The following ACER3 variants were observed in gnomAD, a reference collection of about 807,000 sequenced individuals.
The protein encoded by ACER3 is alkCDase 3.
Under a neutral mutation model 48.9 loss-of-function variants are expected in ACER3, and 16 were observed. The ratio of observed to expected loss-of-function variants is 0.33; its 90% CI spans 0.22 to 0.50. ACER3 has a LOEUF of 0.50. Among genes scored for constraint, ACER3 ranks in the 20% least tolerant of loss-of-function variants. ACER3 has a pLI of 0.98. For synonymous variants in ACER3, 109 were observed against 107.8 expected, an observed-to-expected ratio of 1.01 and a Z score of -0.07; for missense variants, 227 against 326.0, an observed-to-expected ratio of 0.70 and a Z score of 2.34.
At chr11:76,979,874 C>A (rs1948542796) in intron 4 of ACER3, among the ~76,000 whole-genome samples, 1 of 151,124 alleles carries the variant, frequency 6.6e-6, no homozygotes, top group African/African-American at 2.4e-5. Flanking sequence ...GCACAGTGCT[C>A]ACAAATGTAA....
chr11:76,862,445 A>G (rs1206005042), intron 1 of ACER3, among the ~76,000 whole-genome samples: 3 of 152,216 alleles, frequency 2.0e-5, no homozygotes, highest in Non-Finnish European at 4.4e-5. Flanking sequence ...TTGTAATACA[A>G]TTACTTGGGA....
intron 1 of ACER3, among the ~76,000 whole-genome samples, chr11:76,910,456 T>G (rs1324083568): frequency 6.6e-6 from 1 of 152,166 alleles, no homozygotes; most frequent in African/African-American, 2.4e-5. Flanking sequence ...TTTATCTCAT[T>G]GTAGAATAAA....
In ACER3 at chr11:76,918,816, G is replaced by A. The variant is rs555027022; in HGVS notation, c.104-7741G>A. On this transcript the variant is annotated intron_variant, in intron 1 of 10. Transcript: ENST00000532485. ...TAAATAAGTTGCCTAAGTTCACACA[G>A]CTAGAAGGTGGTAGTAGATAAGAAC... Among the ~76,000 whole-genome samples the A allele has an allele frequency of 6.6e-5, 10 of 152,302 alleles. No individual in the cohort carries two copies. In the East Asian group the frequency reaches 1.3e-3, roughly 21 times the overall value.
intron 4 of ACER3, among the ~76,000 whole-genome samples, chr11:76,984,192 T>A (rs1358679563): frequency 1.3e-5 from 2 of 152,148 alleles, no homozygotes; most frequent in African/African-American, 4.8e-5. Context: ...GCTCTGTAGA[T>A]ACAGAATCAG....
chr11:76,956,006 C>G (rs1283556342), intron 2 of ACER3, among the ~76,000 whole-genome samples: 1 of 152,126 alleles, frequency 6.6e-6, no homozygotes, highest in Non-Finnish European at 1.5e-5. Flanking sequence ...CAAATCTGTA[C>G]AGACAAAGTA....
At chr11:76,910,457 G>A (rs1191999913) in intron 1 of ACER3, among the ~76,000 whole-genome samples, 2 of 151,766 alleles carry the variant, frequency 1.3e-5, no homozygotes, top group African/African-American at 2.4e-5. Context: ...TTATCTCATT[G>A]TAGAATAAAC....
chr11:76,955,470 C>G (rs1947814683), intron 2 of ACER3: 1 of 153,162 alleles, frequency 6.5e-6, no homozygotes, highest in Non-Finnish European at 1.5e-5. Context: ...AGTCCAAGAT[C>G]AAGGTGGCAT....
At chr11:76,908,593 A>C (rs1946293359) in intron 1 of ACER3, among the ~76,000 whole-genome samples, 1 of 152,190 alleles carries the variant, frequency 6.6e-6, no homozygotes, top group South Asian at 2.1e-4. Context: ...CAAGGAAATA[A>C]GAGAGGACAC....
At chr11:76,955,102 A>G (rs761476900) in intron 2 of ACER3, among the ~76,000 whole-genome samples, 3 of 152,224 alleles carry the variant, frequency 2.0e-5, no homozygotes, top group Admixed American at 6.5e-5. Context: ...GGATGGCTGT[A>G]ATCACAAAGA....
At chr11:76,996,393 C>A (rs1487288699) in intron 6 of ACER3, among the ~76,000 whole-genome samples, 1 of 118,886 alleles carries the variant, frequency 8.4e-6, no homozygotes, top group African/African-American at 3.1e-5. Context: ...CCTTCATTGG[C>A]TTTCCATTAT....
At chr11:76,911,588 G>A (rs2119457) in intron 1 of ACER3, among the ~76,000 whole-genome samples, 1 of 151,938 alleles carries the variant, frequency 6.6e-6, no homozygotes, top group Admixed American at 6.6e-5. Flanking sequence ...TATCCAGCCA[G>A]TATTCAAGAT....
At chr11:76,862,285 CAAA>C (rs11325230) in intron 1 of ACER3, among the ~76,000 whole-genome samples, 9,367 of 145,052 alleles carry the variant, frequency 0.065, 316 homozygotes, top group Middle Eastern at 0.12. Flanking sequence ...GGCTAAGTTT[CAAA>C]AAAAAAAAAA....
chr11:76,890,931 A>G (rs1436085964), intron 1 of ACER3, among the ~76,000 whole-genome samples: 1 of 152,008 alleles, frequency 6.6e-6, no homozygotes, highest in Non-Finnish European at 1.5e-5. Flanking sequence ...ACCCGTGGCC[A>G]ATATGACAAA....
chr11:77,005,992 T>TACGTATA (rs1491403985), intron 7 of ACER3, among the ~76,000 whole-genome samples: 16 of 70,560 alleles, frequency 2.3e-4, no homozygotes, highest in South Asian at 1.1e-3. Flanking sequence ...TATATATATA[T>TACGTATA]TTTTTTTTTT....
chr11:76,934,752 G>GGGGAGATGGGAGAGGGA (rs1565186621), intron 2 of ACER3, among the ~76,000 whole-genome samples: 1 of 145,588 alleles, frequency 6.9e-6, no homozygotes, highest in Non-Finnish European at 1.5e-5. Context: ...GGGAGACCGT[G>GGGGAGATGGGAGAGGGA]GGGAGACGGA....
At chr11:76,969,612 G>C in intron 3 of ACER3, among the ~76,000 whole-genome samples, 2 of 151,728 alleles carry the variant, frequency 1.3e-5, no homozygotes. Flanking sequence ...ATACTATGCA[G>C]CCATAAAAAA....
At position 77,016,730 on chromosome 11, in the gene ACER3, T is replaced by C. The variant is rs1555023430; in HGVS notation, c.655T>C (p.Trp219Arg). Residue 219 changes from tryptophan to arginine, a missense_variant, in exon 9 of 11, where the codon TGG becomes CGG. By Grantham distance (101) the Trp-to-Arg change is moderately radical. Coordinates refer to ENST00000532485, the MANE Select transcript of ACER3 (RefSeq NM_018367.7). ...IIGITTQFHA[W>R]WHILTGLGSY... Reference sequence around the variant, plus strand: ...AGGTATTACCACACAATTTCATGCATGGTGGCATATTTTAACTGGCCTTGG... The same window carrying C: ...AGGTATTACCACACAATTTCATGCACGGTGGCATATTTTAACTGGCCTTGG... 6.2e-7 allele frequency: 1 copy of C among 1,605,396 alleles called. No homozygotes were observed. Among genetic ancestry groups the C allele is most frequent in the South Asian group, 1.1e-5 (1 of 89,988 alleles).
intron 2 of ACER3, among the ~76,000 whole-genome samples, chr11:76,955,991 GC>G (rs1428342105): frequency 6.6e-6 from 1 of 152,200 alleles, no homozygotes; most frequent in African/African-American, 2.4e-5. Context: ...AATGTCCCCA[GC>G]AGGCAAATCT....
intron 2 of ACER3, among the ~76,000 whole-genome samples, chr11:76,951,024 C>G (rs1006232616): frequency 5.9e-5 from 9 of 152,154 alleles, no homozygotes; most frequent in African/African-American, 2.2e-4. Flanking sequence ...TTTGGTTCCT[C>G]TAATTTTGTC....
Sources: gnomAD v4.1 joint callset for allele counts (sites outside exome capture counted in the v4.1 genomes callset) on GRCh38, gnomAD v4.1.1 for gene constraint, MANE v1.5 for transcripts, NCBI Gene and HGNC (gene_info 2026-07-23, HGNC 2026-07-21) for gene names.